IQCM: variants seen among roughly 807,000 people sequenced by gnomAD.
IQCM encodes the protein IQ motif containing M.
Under a neutral mutation model 57.6 loss-of-function variants are expected in IQCM, and 45 were observed. The observed-to-expected ratio is 0.78, with a 90% CI of 0.62 to 1.00. The LOEUF (loss-of-function observed/expected upper bound fraction) is 1.00, where lower values mean the gene tolerates loss of function less well. Ranked by LOEUF, IQCM falls within the 50% of genes least tolerant of loss-of-function variation. IQCM has a pLI of 0.00. For missense variants in IQCM, 468 were observed against 511.6 expected, an observed-to-expected ratio of 0.91 and a Z score of 0.82; for synonymous variants, 148 against 158.9, an observed-to-expected ratio of 0.93 and a Z score of 0.51.
At chr4:149,499,894 T>G (rs2149790380) in intron 12 of IQCM, among the ~76,000 whole-genome samples, 1 of 152,282 alleles carries the variant, frequency 6.6e-6, no homozygotes, top group South Asian at 2.1e-4. Context: ...AAAGAATACC[T>G]CAGAAACTGC....
At chr4:149,681,881 T>G (rs1762205775) in intron 7 of IQCM, among the ~76,000 whole-genome samples, 1 of 151,208 alleles carries the variant, frequency 6.6e-6, no homozygotes, top group Non-Finnish European at 1.5e-5. Flanking sequence ...TCTTTATAAT[T>G]TACTACAACC....
chr4:149,367,771 T>C (rs1289082646), intron 13 of IQCM, among the ~76,000 whole-genome samples: 2 of 152,054 alleles, frequency 1.3e-5, no homozygotes, highest in African/African-American at 4.8e-5. Context: ...ACCAGCAATG[T>C]GGAACAGTGC....
rs1579735107 is a variant in IQCM at position 149,621,419 on chromosome 4, A to T, written c.566-175T>A. ...AGAAATGAAGACATGATAGGATTGCATAGAGAGAGGCTTCAATTAATTGGC... is the reference window on the plus strand; with the variant it reads ...AGAAATGAAGACATGATAGGATTGCTTAGAGAGAGGCTTCAATTAATTGGC... On this transcript the variant is annotated intron_variant, in intron 7 of 13. Coordinates refer to ENST00000636793, the MANE Select transcript of IQCM (RefSeq NM_001363507.2). 3.3e-5 allele frequency among the ~76,000 whole-genome samples: 5 copies of T among 152,328 alleles called. No individual in the cohort carries two copies. In the East Asian group the frequency reaches 9.7e-4, roughly 29 times the overall value.
Position 149,527,541 on chromosome 4 carries a change from A to C in IQCM, c.1228+20914T>G, listed in dbSNP as rs946360830. ...GCAGCCCCTTGATCTTGAACTTCCCAGTTTCCAGAACTGTGAGAAATATAT... is the reference window on the plus strand; with the variant it reads ...GCAGCCCCTTGATCTTGAACTTCCCCGTTTCCAGAACTGTGAGAAATATAT... On this transcript the variant is annotated intron_variant, in intron 12 of 13. Coordinates refer to ENST00000636793, the MANE Select transcript of IQCM (RefSeq NM_001363507.2). Among the ~76,000 whole-genome samples the C allele has an allele frequency of 1.2e-4, 18 of 152,214 alleles. 1 individual carries two copies.
intron 13 of IQCM, among the ~76,000 whole-genome samples, chr4:149,375,304 C>T (rs758977648): frequency 8.5e-5 from 13 of 152,060 alleles, no homozygotes; most frequent in Admixed American, 2.0e-4. Context: ...CATAGATGGG[C>T]GCCTACAGGC....
chr4:149,505,389 T>G (rs1425988535), intron 12 of IQCM, among the ~76,000 whole-genome samples: 1 of 152,218 alleles, frequency 6.6e-6, no homozygotes, highest in African/African-American at 2.4e-5. Context: ...TGACGAATAC[T>G]CTTAGAGTTT....
intron 12 of IQCM, among the ~76,000 whole-genome samples, chr4:149,479,165 T>TATTTGA (rs1192995830): frequency 6.6e-6 from 1 of 152,188 alleles, no homozygotes; most frequent in Non-Finnish European, 1.5e-5. Flanking sequence ...CAGTAATTCA[T>TATTTGA]ATTTGAATAA....
At chr4:149,380,789 T>C (rs917025640) in intron 13 of IQCM, among the ~76,000 whole-genome samples, 1 of 152,194 alleles carries the variant, frequency 6.6e-6, no homozygotes, top group Non-Finnish European at 1.5e-5. Context: ...ATTGACATTC[T>C]ACATCTTCAA....
intron 11 of IQCM, among the ~76,000 whole-genome samples, chr4:149,549,501 G>A: frequency 6.6e-6 from 1 of 152,160 alleles, no homozygotes; most frequent in East Asian, 1.9e-4. Context: ...CTGGGCGACA[G>A]AGCGAGACTC....
intron 2 of IQCM, among the ~76,000 whole-genome samples, chr4:149,755,202 C>T (rs965683087): frequency 6.6e-6 from 1 of 152,110 alleles, no homozygotes; most frequent in South Asian, 2.1e-4. Flanking sequence ...ACTTCCTGCC[C>T]CTATCCATGA....
At chr4:149,527,407 T>A (rs1439783667) in intron 12 of IQCM, among the ~76,000 whole-genome samples, 3 of 152,144 alleles carry the variant, frequency 2.0e-5, no homozygotes, top group Non-Finnish European at 2.9e-5. Context: ...TTAAATTAAG[T>A]CATGAGGATG....
chr4:149,628,922 G>T (rs981882670), intron 7 of IQCM, among the ~76,000 whole-genome samples: 3 of 152,126 alleles, frequency 2.0e-5, no homozygotes. Flanking sequence ...AAAATGAAAA[G>T]TTAAATAAAT....
chr4:149,556,177 T>C (rs1749561248), intron 10 of IQCM, among the ~76,000 whole-genome samples: 3 of 152,218 alleles, frequency 2.0e-5, no homozygotes, highest in South Asian at 4.1e-4. Context: ...AAAGTTATTA[T>C]AAATTACTGA....
rs559596917 is a variant in IQCM, at chr4:149,364,682, A to T, written c.1391-12616T>A. On this transcript the variant is annotated intron_variant, in intron 13 of 13. Coordinates refer to ENST00000636793, the MANE Select transcript of IQCM (RefSeq NM_001363507.2). ...AAGAAAGAATAGAGAATTAAATTAGATGGCATATATAAATAATAAGAACAT... is the reference window on the plus strand; with the variant it reads ...AAGAAAGAATAGAGAATTAAATTAGTTGGCATATATAAATAATAAGAACAT... 3.2e-4 allele frequency among the ~76,000 whole-genome samples: 48 copies of T among 152,274 alleles called. 1 individual carries two copies. In the South Asian group the frequency reaches 9.9e-3, roughly 32 times the overall value.
chr4:149,580,952 C>T (rs1447889301), intron 9 of IQCM, among the ~76,000 whole-genome samples: 1 of 150,886 alleles, frequency 6.6e-6, no homozygotes, highest in African/African-American at 2.4e-5. Context: ...TTGAAGATAC[C>T]CTGTTGAATA....
intron 13 of IQCM, among the ~76,000 whole-genome samples, chr4:149,364,926 G>C (rs551282092): frequency 6.6e-6 from 1 of 151,866 alleles, no homozygotes; most frequent in Non-Finnish European, 1.5e-5. Flanking sequence ...TGTTTTGATT[G>C]GAAACTGGAG....
At chr4:149,671,642 G>T (rs1191514712) in intron 7 of IQCM, among the ~76,000 whole-genome samples, 1 of 152,098 alleles carries the variant, frequency 6.6e-6, no homozygotes, top group Non-Finnish European at 1.5e-5. Flanking sequence ...TCTACACACT[G>T]CTTTAAATGT....
At chr4:149,464,068 G>T (rs1347514148) in intron 12 of IQCM, among the ~76,000 whole-genome samples, 6 of 152,130 alleles carry the variant, frequency 3.9e-5, no homozygotes, top group Admixed American at 1.3e-4. Context: ...TACACAGGTA[G>T]AATTATAAAG....
At chr4:149,750,449 A>T (rs1768324506) in intron 2 of IQCM, among the ~76,000 whole-genome samples, 1 of 152,242 alleles carries the variant, frequency 6.6e-6, no homozygotes, top group Non-Finnish European at 1.5e-5. Context: ...TTTCAGTTAG[A>T]AATGTATCAG....
Sources: allele counts gnomAD v4.1 joint callset (sites outside exome capture counted in the v4.1 genomes callset), GRCh38; gene constraint gnomAD v4.1.1; transcripts MANE v1.5; gene names NCBI Gene and HGNC (gene_info 2026-07-23, HGNC 2026-07-21).